Variants in KCNQ5 observed in about 807,000 individuals in gnomAD.
KCNQ5 encodes the protein potassium voltage-gated channel subfamily Q member 5.
In KCNQ5, 30 loss-of-function variants were observed where a neutral mutation model predicts 98.2. The ratio of observed to expected loss-of-function variants is 0.31; its 90% CI spans 0.23 to 0.41. The LOEUF (loss-of-function observed/expected upper bound fraction) is 0.41. Ranked by LOEUF, KCNQ5 falls within the 10% of genes least tolerant of loss-of-function variation. The pLI, the probability that KCNQ5 is intolerant of heterozygous loss-of-function variation, is 1.00. For synonymous variants in KCNQ5, 458 were observed against 449.4 expected, an observed-to-expected ratio of 1.02 and a Z score of -0.24; for missense variants, 835 against 1,182.5, an observed-to-expected ratio of 0.71 and a Z score of 4.31.
intron 1 of KCNQ5, among the ~76,000 whole-genome samples, chr6:72,871,268 T>C (rs966286266): frequency 6.6e-6 from 1 of 152,230 alleles, no homozygotes; most frequent in Non-Finnish European, 1.5e-5. Flanking sequence ...ATCACTGTTA[T>C]GGTTTGACTT....
chr6:73,134,469 G>A (rs1776380849), intron 10 of KCNQ5: 1 of 152,462 alleles, frequency 6.6e-6, no homozygotes, highest in Non-Finnish European at 1.5e-5. Flanking sequence ...TAAATAACGT[G>A]TATTTTCCCA....
At chr6:72,797,497 C>A (rs1774403274) in intron 1 of KCNQ5, among the ~76,000 whole-genome samples, 2 of 143,634 alleles carry the variant, frequency 1.4e-5, no homozygotes, top group African/African-American at 5.5e-5. Context: ...AGAATAAGAC[C>A]CTGCCAAAAA....
At chr6:73,109,187 C>T (rs1201315922) in intron 6 of KCNQ5, among the ~76,000 whole-genome samples, 3 of 152,176 alleles carry the variant, frequency 2.0e-5, no homozygotes, top group African/African-American at 4.8e-5. Context: ...TGAACATTTA[C>T]CATTCACTAA....
At chr6:73,117,362 CCACCTG>C (rs1352310735) in intron 7 of KCNQ5, among the ~76,000 whole-genome samples, 1 of 152,182 alleles carries the variant, frequency 6.6e-6, no homozygotes, top group Non-Finnish European at 1.5e-5. Flanking sequence ...GTGACAGATG[CCACCTG>C]CACCTTCCAT....
chr6:72,632,441 A>G (rs1016108681), intron 1 of KCNQ5, among the ~76,000 whole-genome samples: 11 of 151,380 alleles, frequency 7.3e-5, no homozygotes, highest in South Asian at 6.2e-4. Flanking sequence ...GCGCCTGGCC[A>G]GTTTTTTTTT....
intron 1 of KCNQ5, among the ~76,000 whole-genome samples, chr6:72,658,764 G>T (rs1389666844): frequency 2.0e-5 from 3 of 151,318 alleles, no homozygotes. Flanking sequence ...ATTTTTCGTA[G>T]AGACGGGGTT....
At chr6:72,713,536 TCTC>T (rs1437678325) in intron 1 of KCNQ5, among the ~76,000 whole-genome samples, 2 of 152,180 alleles carry the variant, frequency 1.3e-5, no homozygotes, top group Non-Finnish European at 2.9e-5. Flanking sequence ...GTTGCAGTGA[TCTC>T]CTAATAGTTC....
At chr6:72,726,412 A>C (rs996767248) in intron 1 of KCNQ5, among the ~76,000 whole-genome samples, 1 of 151,882 alleles carries the variant, frequency 6.6e-6, no homozygotes, top group African/African-American at 2.4e-5. Context: ...ATGGGGTTTC[A>C]CTGTGTTAGC....
chr6:72,999,274 A>T (rs1413563503), intron 1 of KCNQ5, among the ~76,000 whole-genome samples: 1 of 152,186 alleles, frequency 6.6e-6, no homozygotes, highest in Non-Finnish European at 1.5e-5. Context: ...TCTTGAGTAA[A>T]CATAGAGTCC....
intron 1 of KCNQ5, among the ~76,000 whole-genome samples, chr6:72,853,828 A>C (rs1276824925): frequency 6.6e-6 from 1 of 152,206 alleles, no homozygotes; most frequent in South Asian, 2.1e-4. Context: ...AAGTCTTTAC[A>C]GTTCCATTTC....
chr6:72,910,208 A>G (rs1280845957), intron 1 of KCNQ5, among the ~76,000 whole-genome samples: 1 of 152,108 alleles, frequency 6.6e-6, no homozygotes, highest in African/African-American at 2.4e-5. Flanking sequence ...AAGTTCTGGG[A>G]TTCATTATGA....
At chr6:72,733,290 C>T (rs1285055026) in intron 1 of KCNQ5, among the ~76,000 whole-genome samples, 1 of 151,980 alleles carries the variant, frequency 6.6e-6, no homozygotes, top group Non-Finnish European at 1.5e-5. Flanking sequence ...TGAAACTAGG[C>T]AATAGTAGCA....
intron 1 of KCNQ5, among the ~76,000 whole-genome samples, chr6:72,901,700 G>T (rs183340732): frequency 1.4e-4 from 21 of 152,144 alleles, no homozygotes; most frequent in African/African-American, 4.8e-4. Flanking sequence ...CTGTCCCATT[G>T]GTCTATGTGC....
At chr6:72,930,579 CAAAA>C (rs5877339) in intron 1 of KCNQ5, among the ~76,000 whole-genome samples, 3 of 94,206 alleles carry the variant, frequency 3.2e-5, no homozygotes, top group African/African-American at 7.4e-5. Flanking sequence ...GACATTTTAC[CAAAA>C]AAAAAAAAAA....
At chr6:72,782,863 T>A (rs1773558773) in intron 1 of KCNQ5, among the ~76,000 whole-genome samples, 1 of 152,176 alleles carries the variant, frequency 6.6e-6, no homozygotes, top group South Asian at 2.1e-4. Flanking sequence ...CCTAGAATGG[T>A]TCCTGTTGCT....
chr6:72,663,095 C>T (rs866292293), intron 1 of KCNQ5, among the ~76,000 whole-genome samples: 14 of 151,770 alleles, frequency 9.2e-5, no homozygotes, highest in African/African-American at 2.4e-4. Flanking sequence ...AATGAGAACA[C>T]GTGGACATAG....
chr6:73,011,811 G>T (rs9446817), intron 2 of KCNQ5, among the ~76,000 whole-genome samples: 8,243 of 151,348 alleles, frequency 0.054, 771 homozygotes, highest in African/African-American at 0.19. Flanking sequence ...CAAAGGACTT[G>T]AATAAACATT....
At chr6:72,914,816 C>T (rs1197728300) in intron 1 of KCNQ5, among the ~76,000 whole-genome samples, 1 of 151,656 alleles carries the variant, frequency 6.6e-6, no homozygotes, top group Non-Finnish European at 1.5e-5. Flanking sequence ...ATTCGGGTCT[C>T]AAGCCAGGGG....
At chr6:72,883,671 A>G (rs1258847466) in intron 1 of KCNQ5, among the ~76,000 whole-genome samples, 1 of 152,206 alleles carries the variant, frequency 6.6e-6, no homozygotes, top group Non-Finnish European at 1.5e-5. Context: ...CCAGGGGTGC[A>G]GAAGAACTGA....
Sources: gnomAD v4.1 joint callset for allele counts (sites outside exome capture counted in the v4.1 genomes callset) on GRCh38, gnomAD v4.1.1 for gene constraint, MANE v1.5 for transcripts, NCBI Gene and HGNC (gene_info 2026-07-23, HGNC 2026-07-21) for gene names.